The following PAK1 variants were observed in gnomAD, a reference collection of about 807,000 sequenced individuals.
PAK1 encodes serine/threonine-protein kinase PAK 1.
Under a neutral mutation model 67.4 loss-of-function variants are expected in PAK1, and 29 were observed. The observed-to-expected ratio is 0.43, with a 90% CI of 0.32 to 0.59. The LOEUF is 0.59. PAK1 is among the 20% of genes least tolerant of loss of function. The pLI is 0.07. For synonymous variants in PAK1, 223 were observed against 237.4 expected, an observed-to-expected ratio of 0.94 and a Z score of 0.56; for missense variants, 337 against 670.7, an observed-to-expected ratio of 0.50 and a Z score of 5.50.
intron 1 of PAK1, among the ~76,000 whole-genome samples, chr11:77,458,965 A>G (rs1439393867): frequency 6.6e-6 from 1 of 152,234 alleles, no homozygotes; most frequent in East Asian, 1.9e-4. Context: ...GAGGATGAAA[A>G]CTGGGGAAGC....
the PAK1 span, among the ~76,000 whole-genome samples, chr11:77,516,875 A>G: frequency 6.7e-6 from 1 of 149,072 alleles, no homozygotes; most frequent in Non-Finnish European, 1.5e-5. Flanking sequence ...ATGCGGTAGC[A>G]CATTCCTGTA....
chr11:77,476,604 G>A (rs571986510), upstream of PAK1: 32 of 152,340 alleles, frequency 2.1e-4, no homozygotes, highest in African/African-American at 7.2e-4. Flanking sequence ...CCTCTGGAAA[G>A]GAAGAGATGG....
At chr11:77,365,034 G>A (rs536472532) in intron 5 of PAK1, among the ~76,000 whole-genome samples, 2 of 152,120 alleles carry the variant, frequency 1.3e-5, no homozygotes, top group South Asian at 4.1e-4. Context: ...GGATCACGAA[G>A]TCAGGAGTTC....
intron 5 of PAK1, among the ~76,000 whole-genome samples, chr11:77,373,339 A>G (rs1948680008): frequency 6.6e-6 from 1 of 152,110 alleles, no homozygotes; most frequent in Non-Finnish European, 1.5e-5. Flanking sequence ...GTTTGAGAAC[A>G]CATAATGAGA....
chr11:77,365,114 C>T (rs1049866069), intron 5 of PAK1, among the ~76,000 whole-genome samples: 2 of 151,362 alleles, frequency 1.3e-5, no homozygotes, highest in African/African-American at 2.4e-5. Context: ...TAGCTGGGTG[C>T]GGTGGCACGT....
intron 9 of PAK1, among the ~76,000 whole-genome samples, chr11:77,346,840 C>T (rs1165111301): frequency 1.3e-5 from 2 of 152,184 alleles, no homozygotes; most frequent in Non-Finnish European, 1.5e-5. Context: ...ATAATCAATG[C>T]CTACAGGTCC....
chr11:77,490,178 A>G, the PAK1 span, among the ~76,000 whole-genome samples: 4 of 147,242 alleles, frequency 2.7e-5, no homozygotes, highest in Non-Finnish European at 6.0e-5. Flanking sequence ...CCGCCTGGCA[A>G]CCGCCCCATC....
intron 14 of PAK1, 105 bp from the exon 15 acceptor site, chr11:77,323,465 G>A: frequency 1.3e-6 from 1 of 780,516 alleles, no homozygotes. Context: ...GTGCTGTGTG[G>A]AAAGCTTCTG....
intron 5 of PAK1, among the ~76,000 whole-genome samples, chr11:77,368,049 C>A (rs1947851426): frequency 6.6e-6 from 1 of 152,128 alleles, no homozygotes; most frequent in Non-Finnish European, 1.5e-5. Context: ...ACAAAAGAAG[C>A]AAGGGGAAGA....
At chr11:77,481,038 T>G in the PAK1 span, among the ~76,000 whole-genome samples, 1 of 152,218 alleles carries the variant, frequency 6.6e-6, no homozygotes, top group Non-Finnish European at 1.5e-5. Context: ...TAAACTTTCT[T>G]GAGACTTTCT....
At chr11:77,523,799 A>G in the PAK1 span, among the ~76,000 whole-genome samples, 1 of 152,230 alleles carries the variant, frequency 6.6e-6, no homozygotes, top group East Asian at 1.9e-4. Flanking sequence ...TTTAAAAAAT[A>G]TAATGACAGT....
At chr11:77,424,925 A>C (rs1305561127) in intron 1 of PAK1, among the ~76,000 whole-genome samples, 2 of 152,236 alleles carry the variant, frequency 1.3e-5, no homozygotes, top group Non-Finnish European at 2.9e-5. Context: ...TACTTCATAC[A>C]AAGCCTAGCA....
At chr11:77,465,521 GTTCT>G (rs1315092131) in intron 1 of PAK1, among the ~76,000 whole-genome samples, 4 of 151,728 alleles carry the variant, frequency 2.6e-5, no homozygotes, top group African/African-American at 9.7e-5. Context: ...TGCTCACCTG[GTTCT>G]TTATTTTTTT....
In PAK1 at chr11:77,337,316, CTACT is replaced by C; in HGVS notation, c.1216+4_1216+7del. On this transcript the variant is annotated splice_donor_5th_base_variant and intron_variant, in intron 12 of 14. Coordinates refer to ENST00000356341, the MANE Select transcript of PAK1 (RefSeq NM_002576.5). ...AGAAGTATTATCATTCCTAAGGCTC[CTACT>C]TACTTAGCTTGACAGAGCCATCCAT... 6.9e-7 allele frequency: 1 copy of C among 1,458,358 alleles called. No individual in the cohort carries two copies. The highest frequency in any genetic ancestry group is 9.6e-7 in the Non-Finnish European group (1 of 1,040,620). 90.3% of individuals were successfully genotyped at this position (1,458,358 alleles called of 1,614,324 possible). A position where few individuals can be genotyped will look rare whatever the true frequency, so the allele number is the denominator to read the frequency against.
At chr11:77,455,578 C>G (rs1394196905) in intron 1 of PAK1, among the ~76,000 whole-genome samples, 1 of 74,330 alleles carries the variant, frequency 1.3e-5, no homozygotes, top group East Asian at 2.8e-4. Context: ...GGAAGCCCAG[C>G]CGGGTCCATT....
At chr11:77,449,691 T>TTA (rs778037900) in intron 1 of PAK1, among the ~76,000 whole-genome samples, 11 of 113,946 alleles carry the variant, frequency 9.7e-5, no homozygotes, top group South Asian at 3.0e-4. Context: ...ATCCTATAGG[T>TTA]AAAAAAAAAA....
chr11:77,448,221 G>A lies in PAK1; in HGVS notation c.-22+25331C>T, dbSNP rs146423127. Among the ~76,000 whole-genome samples the A allele has an allele frequency of 2.1e-3, 321 of 152,264 alleles. 1 individual carries two copies. The highest frequency in any genetic ancestry group is 7.4e-3 in the African/African-American group (308 of 41,566). On this transcript the variant is annotated intron_variant, in intron 1 of 14. Coordinates refer to ENST00000356341, the MANE Select transcript of PAK1 (RefSeq NM_002576.5). The stretch of plus-strand genomic sequence containing the variant: ...ATGGGAGACTCATATGGGAAAAAAT[G>A]GAAAAATATGTCAGAGACCTGTTGT...
In PAK1 at chr11:77,342,867, C is replaced by T. The variant is rs553636364; in HGVS notation, c.998+952G>A. On this transcript the variant is annotated intron_variant, in intron 10 of 14. Coordinates refer to ENST00000356341, the MANE Select transcript of PAK1 (RefSeq NM_002576.5). ...ACCTCCACCTACGATGTCTCTGAACCCTGGGCAAGAAGCTTAACTTTTTTT... is the reference window on the plus strand; with the variant it reads ...ACCTCCACCTACGATGTCTCTGAACTCTGGGCAAGAAGCTTAACTTTTTTT... Among the ~76,000 whole-genome samples, 6 of 139,196 alleles carry T rather than the reference C, an allele frequency of 4.3e-5. 1 individual carries two copies. The highest frequency in any genetic ancestry group is 1.5e-4 in the Admixed American group (2 of 13,094). 91.3% of individuals were successfully genotyped at this position (139,196 alleles called of 152,430 possible).
chr11:77,327,391 C>A (rs1031590829), intron 14 of PAK1, among the ~76,000 whole-genome samples: 48 of 152,174 alleles, frequency 3.2e-4, no homozygotes, highest in Admixed American at 1.2e-3. Flanking sequence ...AGAGAAAGGT[C>A]GGGTTACCCA....
Sources: gnomAD v4.1 joint callset for allele counts (sites outside exome capture counted in the v4.1 genomes callset) on GRCh38, gnomAD v4.1.1 for gene constraint, MANE v1.5 for transcripts, NCBI Gene and HGNC (gene_info 2026-07-23, HGNC 2026-07-21) for gene names.